Variants in ANKRD17 observed in about 807,000 individuals in gnomAD.
ANKRD17 encodes ankyrin repeat domain 17.
ANKRD17 carries 19 observed loss-of-function variants against 229.7 expected under a neutral mutation model. The ratio of observed to expected loss-of-function variants is 0.08; its 90% CI spans 0.06 to 0.12. The LOEUF is 0.12. ANKRD17 is among the 10% of genes least tolerant of loss of function. The pLI is 1.00. For synonymous variants in ANKRD17, 1,112 were observed against 1,146.1 expected (o/e 0.97, Z 0.60); for missense variants, 2,176 against 3,176.8 (o/e 0.68, Z 7.57).
At chr4:73,079,442 G>C (rs749915474) in intron 30 of ANKRD17, among the ~76,000 whole-genome samples, 2 of 152,104 alleles carry the variant, frequency 1.3e-5, no homozygotes, top group Middle Eastern at 3.4e-3. Flanking sequence ...GTCCAGGCTA[G>C]AGTGCAGAGG....
chr4:73,174,968 G>T (rs1013507151), intron 2 of ANKRD17, among the ~76,000 whole-genome samples: 3 of 152,186 alleles, frequency 2.0e-5, no homozygotes, highest in African/African-American at 7.2e-5. Flanking sequence ...TGGGTTGGAA[G>T]AATCAATACT....
At chr4:73,079,549 T>C (rs991267632) in intron 30 of ANKRD17, among the ~76,000 whole-genome samples, 2 of 151,942 alleles carry the variant, frequency 1.3e-5, no homozygotes, top group African/African-American at 4.8e-5. Flanking sequence ...TGAGCCATCA[T>C]GTCCAGTTTA....
chr4:73,238,828 T>C (rs906536049), intron 1 of ANKRD17, among the ~76,000 whole-genome samples: 7 of 152,180 alleles, frequency 4.6e-5, no homozygotes, highest in Non-Finnish European at 8.8e-5. Flanking sequence ...CAGACTTTCA[T>C]GTGAGACTAC....
Position 73,090,695 on chromosome 4 carries a change from T to C in ANKRD17, c.6933A>G (p.Pro2311=), listed in dbSNP as rs1351809507. The change falls in exon 29 of 34, where the codon CCA becomes CCG. Residue 2311 remains proline (P), a synonymous_variant. Transcript: ENST00000358602. ...AGGGACTTGGAGCAGGTCTCTGTAA[T>C]GGTGGTCTAAAACCTGGAGCTTTGG... ...DTSKAPGFRP[P]LQRPAPSPSG... is the part of the protein sequence containing the mutation. 3.7e-6 allele frequency: 6 copies of C among 1,614,038 alleles called. No individual in the cohort carries two copies. The highest frequency in any genetic ancestry group is 1.7e-5 in the Admixed American group (1 of 59,994).
At chr4:73,116,568 T>C (rs999086049) in intron 22 of ANKRD17, among the ~76,000 whole-genome samples, 12 of 152,194 alleles carry the variant, frequency 7.9e-5, no homozygotes, top group Non-Finnish European at 4.4e-5. Context: ...ATCTTTAGTA[T>C]ATTTTTTCTA....
chr4:73,184,712 TACAC>T (rs1032733263), intron 1 of ANKRD17, among the ~76,000 whole-genome samples: 12 of 151,938 alleles, frequency 7.9e-5, no homozygotes, highest in Non-Finnish European at 1.6e-4. Context: ...CTTCCATAAA[TACAC>T]AATAAAGAAA....
chr4:73,150,165 C>A (rs569621489), intron 7 of ANKRD17, among the ~76,000 whole-genome samples: 1 of 152,096 alleles, frequency 6.6e-6, no homozygotes, highest in Non-Finnish European at 1.5e-5. Context: ...TTCTTCAGTG[C>A]TGAATCTTCT....
chr4:73,182,043 G>A (rs576735398), intron 1 of ANKRD17, among the ~76,000 whole-genome samples: 12 of 77,048 alleles, frequency 1.6e-4, no homozygotes, highest in African/African-American at 6.1e-4. Context: ...GCAAGACTCC[G>A]TCCCCACCAA....
intron 1 of ANKRD17, among the ~76,000 whole-genome samples, chr4:73,229,196 T>C (rs1742805993): frequency 6.6e-6 from 1 of 152,150 alleles, no homozygotes; most frequent in East Asian, 1.9e-4. Flanking sequence ...GACGAGTTAA[T>C]GGGTGCAGCA....
chr4:73,163,789 AT>A (rs940147271), intron 2 of ANKRD17, among the ~76,000 whole-genome samples: 2 of 152,028 alleles, frequency 1.3e-5, no homozygotes, highest in Admixed American at 6.5e-5. Context: ...CCTTTAAAAT[AT>A]TTTTTTTCTG....
intron 1 of ANKRD17, among the ~76,000 whole-genome samples, chr4:73,253,183 C>T (rs1391282020): frequency 6.6e-6 from 1 of 152,188 alleles, no homozygotes; most frequent in Non-Finnish European, 1.5e-5. Flanking sequence ...AAAATGAATG[C>T]TCCCTGCCAA....
At position 73,144,837 on chromosome 4, in the gene ANKRD17, T is replaced by TAA; in HGVS notation, c.1870-6_1870-5insTT. The TAA allele has an allele frequency of 6.4e-7, 1 of 1,566,384 alleles. No individual in the cohort carries two copies. Among genetic ancestry groups the TAA allele is most frequent in the East Asian group, 2.3e-5 (1 of 44,372 alleles). ...TCCACCTTCAGATTCATGTTCCTGT[T>TAA]TAAAAAAAAAAAAAAAGACTTGACA... On this transcript the variant is annotated splice_region_variant and splice_polypyrimidine_tract_variant and intron_variant, in intron 10 of 33. Coordinates refer to ENST00000358602, the MANE Select transcript of ANKRD17 (RefSeq NM_032217.5).
chr4:73,239,084 G>A (rs1237827579), intron 1 of ANKRD17, among the ~76,000 whole-genome samples: 2 of 152,110 alleles, frequency 1.3e-5, no homozygotes, highest in Admixed American at 6.5e-5. Flanking sequence ...ACACCTTCAG[G>A]AAAGAGGTGA....
chr4:73,103,422 T>C (rs901669874), intron 24 of ANKRD17, among the ~76,000 whole-genome samples: 2 of 152,210 alleles, frequency 1.3e-5, no homozygotes, highest in African/African-American at 4.8e-5. Flanking sequence ...GTGTTTCTAT[T>C]TGTTAAAATG....
At chr4:73,103,911 C>T (rs1381633066) in intron 24 of ANKRD17, 1 of 150,584 alleles carries the variant, frequency 6.6e-6, no homozygotes, top group Admixed American at 6.6e-5. Flanking sequence ...GTTCTGATAA[C>T]CCATGACACT....
In ANKRD17 at chr4:73,169,755, C is replaced by T. The variant is rs1733725436; in HGVS notation, c.547+7625G>A. Among the ~76,000 whole-genome samples the T allele has an allele frequency of 5.9e-5, 9 of 152,228 alleles. No individual in the cohort carries two copies. The South Asian group carries it at 1.9e-3, about 32-fold the overall frequency. ...TCCCCACATGGTGCAAAGAACTGTG[C>T]AACTGTAAGACGGAGAGCATAGCAA... On this transcript the variant is annotated intron_variant, in intron 2 of 33. Coordinates refer to ENST00000358602, the MANE Select transcript of ANKRD17 (RefSeq NM_032217.5).
rs892665466 is a variant in ANKRD17, at chr4:73,112,571, T to C, written c.4401+1221A>G. ...AGCTTCCAAAATAAAATACATTTTT[T>C]CAGAAAATAGTATTTTCAAATTTAA... On this transcript the variant is annotated intron_variant, in intron 24 of 33. Coordinates refer to ENST00000358602, the MANE Select transcript of ANKRD17 (RefSeq NM_032217.5). 1.4e-5 allele frequency: 7 copies of C among 496,294 alleles called. No individual in the cohort carries two copies. In the East Asian group the frequency reaches 1.1e-3, roughly 74 times the overall value. The allele number at this position is 496,294 out of a possible 1,614,324, so 30.7% of individuals were successfully genotyped here. A position where few individuals can be genotyped will look rare whatever the true frequency, so the allele number is the denominator to read the frequency against.
At chr4:73,124,226 G>A (rs1727132601) in intron 18 of ANKRD17, among the ~76,000 whole-genome samples, 1 of 137,194 alleles carries the variant, frequency 7.3e-6, no homozygotes, top group South Asian at 2.3e-4. Context: ...TTCCTTGATA[G>A]AGAAGGGAAT....
intron 1 of ANKRD17, among the ~76,000 whole-genome samples, chr4:73,191,560 T>C (rs893297835): frequency 6.6e-6 from 1 of 151,516 alleles, no homozygotes; most frequent in African/African-American, 2.4e-5. Flanking sequence ...AGTATGAGAA[T>C]AAAAATTCAA....
Sources: allele counts gnomAD v4.1 joint callset (sites outside exome capture counted in the v4.1 genomes callset), GRCh38; gene constraint gnomAD v4.1.1; transcripts MANE v1.5; gene names NCBI Gene and HGNC (gene_info 2026-07-23, HGNC 2026-07-21).